LRRC4C: variants seen among roughly 807,000 people sequenced by gnomAD.
LRRC4C encodes leucine-rich repeat-containing protein 4C.
Under a neutral mutation model 33.6 loss-of-function variants are expected in LRRC4C, and 5 were observed. The observed-to-expected ratio is 0.15, with a 90% CI of 0.08 to 0.31. The LOEUF is 0.31. LRRC4C is among the 10% of genes least tolerant of loss of function. The pLI is 1.00. For missense variants in LRRC4C, 560 were observed against 796.7 expected (o/e 0.70, Z 3.58); for synonymous variants, 329 against 302.0 (o/e 1.09, Z -0.93).
chr11:40,691,104 T>G (rs1945200425), intron 2 of LRRC4C, among the ~76,000 whole-genome samples: 1 of 152,072 alleles, frequency 6.6e-6, no homozygotes, highest in African/African-American at 2.4e-5. Flanking sequence ...TATATGAATG[T>G]GTTTGATTTT....
chr11:40,151,551 T>C (rs567930535), intron 5 of LRRC4C, among the ~76,000 whole-genome samples: 1 of 152,358 alleles, frequency 6.6e-6, no homozygotes, highest in East Asian at 1.9e-4. Flanking sequence ...TCTCCCTTGC[T>C]AGTACGAAAT....
At chr11:40,701,643 T>C (rs552217410) in intron 2 of LRRC4C, among the ~76,000 whole-genome samples, 96 of 149,388 alleles carry the variant, frequency 6.4e-4, no homozygotes, top group African/African-American at 1.9e-3. Flanking sequence ...AATATATATA[T>C]ATATAAAACA....
At chr11:40,540,569 T>TCC (rs1400269742) in intron 3 of LRRC4C, among the ~76,000 whole-genome samples, 1 of 152,076 alleles carries the variant, frequency 6.6e-6, no homozygotes, top group African/African-American at 2.4e-5. Flanking sequence ...CCCTGACACC[T>TCC]CCACCTGCAG....
chr11:40,142,580 A>G (rs11828402), intron 5 of LRRC4C, among the ~76,000 whole-genome samples: 2,192 of 152,210 alleles, frequency 0.014, 55 homozygotes, highest in African/African-American at 0.048. Context: ...CCTTTATGAA[A>G]CACCTTTTGC....
In LRRC4C at chr11:41,106,183, C is replaced by CT. The variant is rs532304601; in HGVS notation, c.-495-172461dup. Among the ~76,000 whole-genome samples the CT allele has an allele frequency of 3.0e-3, 452 of 151,894 alleles. 1 individual carries two copies. The highest frequency in any genetic ancestry group is 0.01 in the African/African-American group (430 of 41,434). Reference sequence around the variant, plus strand: ...AGTTCTTAGTACAGGACTTTCTCTCCTTTTTTTATAATACTTTACCTTTAT... The same window carrying CT: ...AGTTCTTAGTACAGGACTTTCTCTCCTTTTTTTTATAATACTTTACCTTTAT... On this transcript the variant is annotated intron_variant, in intron 1 of 6. Transcript: ENST00000528697.
chr11:40,570,343 G>A (rs1403130645), intron 3 of LRRC4C, among the ~76,000 whole-genome samples: 1 of 152,090 alleles, frequency 6.6e-6, no homozygotes, highest in Non-Finnish European at 1.5e-5. Context: ...CGTTCTCTGG[G>A]TGGAGGACCT....
intron 1 of LRRC4C, among the ~76,000 whole-genome samples, chr11:41,383,855 T>C (rs953076845): frequency 6.6e-6 from 1 of 151,620 alleles, no homozygotes; most frequent in Non-Finnish European, 1.5e-5. Flanking sequence ...ATTTAAGACA[T>C]AAGAAAATAG....
intron 4 of LRRC4C, among the ~76,000 whole-genome samples, chr11:40,270,888 C>A (rs956311897): frequency 9.2e-5 from 14 of 152,238 alleles, no homozygotes; most frequent in Non-Finnish European, 1.6e-4. Context: ...TTTGATCACA[C>A]TAGTGTACAT....
chr11:40,165,386 T>G (rs1248316872), intron 5 of LRRC4C, among the ~76,000 whole-genome samples: 2 of 152,164 alleles, frequency 1.3e-5, no homozygotes, highest in African/African-American at 2.4e-5. Context: ...TGTGTGTATG[T>G]GTCTATGTTT....
intron 1 of LRRC4C, among the ~76,000 whole-genome samples, chr11:41,119,746 G>C (rs1350361200): frequency 6.6e-6 from 1 of 152,136 alleles, no homozygotes; most frequent in African/African-American, 2.4e-5. Flanking sequence ...TTTCATGTTT[G>C]CTCTCTCTTG....
At chr11:41,137,442 A>T (rs555109222) in intron 1 of LRRC4C, among the ~76,000 whole-genome samples, 2 of 152,296 alleles carry the variant, frequency 1.3e-5, no homozygotes, top group Admixed American at 1.3e-4. Flanking sequence ...ATATCATATG[A>T]TCATCATTTC....
chr11:41,200,421 A>G (rs916461785), intron 1 of LRRC4C, among the ~76,000 whole-genome samples: 62 of 152,110 alleles, frequency 4.1e-4, no homozygotes, highest in African/African-American at 1.4e-3. Flanking sequence ...CTACAATTTT[A>G]TCTGGTTCTG....
chr11:41,354,221 C>T (rs192329242), intron 1 of LRRC4C, among the ~76,000 whole-genome samples: 2 of 151,984 alleles, frequency 1.3e-5, no homozygotes, highest in African/African-American at 4.8e-5. Context: ...TAGCATTATA[C>T]ACCAATAACA....
At chr11:41,284,603 A>G (rs1226572932) in intron 1 of LRRC4C, among the ~76,000 whole-genome samples, 7 of 152,174 alleles carry the variant, frequency 4.6e-5, no homozygotes, top group African/African-American at 7.2e-5. Flanking sequence ...TCTCCGCTCC[A>G]GGCACTTGTC....
At chr11:41,184,067 G>A (rs939813854) in intron 1 of LRRC4C, among the ~76,000 whole-genome samples, 51 of 152,268 alleles carry the variant, frequency 3.3e-4, no homozygotes, top group Admixed American at 2.0e-4. Context: ...ACAGCACAGG[G>A]ACCCTGGGGC....
chr11:41,400,306 A>G (rs1369030854), intron 1 of LRRC4C, among the ~76,000 whole-genome samples: 2 of 151,930 alleles, frequency 1.3e-5, no homozygotes, highest in African/African-American at 4.8e-5. Context: ...ACATTTAGTA[A>G]ACACTCATTT....
intron 1 of LRRC4C, among the ~76,000 whole-genome samples, chr11:41,315,326 T>C (rs572224736): frequency 1.3e-5 from 2 of 152,348 alleles, no homozygotes; most frequent in East Asian, 1.9e-4. Context: ...GGGATGACAA[T>C]TGTAACCAAT....
intron 3 of LRRC4C, among the ~76,000 whole-genome samples, chr11:40,441,613 A>G (rs962420212): frequency 6.6e-6 from 1 of 152,340 alleles, no homozygotes; most frequent in African/African-American, 2.4e-5. Context: ...AAAGAGCACC[A>G]TGTTAGAATG....
intron 5 of LRRC4C, among the ~76,000 whole-genome samples, chr11:40,225,479 A>G (rs1056588089): frequency 1.3e-5 from 2 of 152,140 alleles, no homozygotes; most frequent in African/African-American, 4.8e-5. Flanking sequence ...AAGTGTGACT[A>G]TCATATTTGA....
Sources: allele counts gnomAD v4.1 joint callset (sites outside exome capture counted in the v4.1 genomes callset), GRCh38; gene constraint gnomAD v4.1.1; transcripts MANE v1.5; gene names NCBI Gene and HGNC (gene_info 2026-07-23, HGNC 2026-07-21).